Variants in TUSC3 observed in about 807,000 individuals in gnomAD.
TUSC3 encodes the protein tumor suppressor candidate 3, also known as dolichyl-diphosphooligosaccharide--protein glycosyltransferase subunit TUSC3.
In TUSC3, 45 loss-of-function variants were observed where a neutral mutation model predicts 44.8. The ratio of observed to expected loss-of-function variants is 1.00; its 90% confidence interval spans 0.79 to 1.29. The LOEUF is 1.29. Ranked by LOEUF, TUSC3 falls within the 50% of genes most tolerant of loss-of-function variation. TUSC3 has a pLI of 0.00. For missense variants in TUSC3, 519 were observed against 437.9 expected (o/e 1.19, Z -1.65); for synonymous variants, 212 against 152.9 (o/e 1.39, Z -2.85).
chr8:15,618,334 T>C (rs1407032730), intron 1 of TUSC3, among the ~76,000 whole-genome samples: 3 of 152,224 alleles, frequency 2.0e-5, no homozygotes, highest in African/African-American at 7.2e-5. Flanking sequence ...GTAATAACAG[T>C]TAGCTTAAAA....
At chr8:15,671,924 C>T (rs1368645427) in intron 5 of TUSC3, among the ~76,000 whole-genome samples, 1 of 152,002 alleles carries the variant, frequency 6.6e-6, no homozygotes, top group African/African-American at 2.4e-5. Context: ...TTCATTCTTA[C>T]ATCTCTAGAG....
intron 2 of TUSC3, among the ~76,000 whole-genome samples, chr8:15,628,233 A>C (rs1277534946): frequency 6.6e-6 from 1 of 152,152 alleles, no homozygotes; most frequent in Non-Finnish European, 1.5e-5. Context: ...ACAATCTAGA[A>C]ATATTTTATT....
chr8:15,566,091 T>C (rs1802659534), intron 1 of TUSC3, among the ~76,000 whole-genome samples: 1 of 152,162 alleles, frequency 6.6e-6, no homozygotes, highest in Non-Finnish European at 1.5e-5. Context: ...ACAAAGCCAC[T>C]CAGCCCCTGA....
the TUSC3 span, among the ~76,000 whole-genome samples, chr8:15,795,107 ACAAGATTC>A: frequency 1.3e-5 from 2 of 152,138 alleles, no homozygotes; most frequent in Non-Finnish European, 2.9e-5. Flanking sequence ...GCTATTACCA[ACAAGATTC>A]CAAGCAGCAG....
the TUSC3 span, among the ~76,000 whole-genome samples, chr8:15,822,656 C>T: frequency 6.6e-6 from 1 of 151,964 alleles, no homozygotes; most frequent in Non-Finnish European, 1.5e-5. Flanking sequence ...TTAAGATGGC[C>T]TAGAAAAGAT....
At chr8:15,509,361 C>T (rs898011024) in intron 2 of TUSC3, among the ~76,000 whole-genome samples, 10 of 152,144 alleles carry the variant, frequency 6.6e-5, no homozygotes, top group Non-Finnish European at 1.0e-4. Context: ...GTAATCCGAA[C>T]GCTTTGGGAG....
At chr8:15,545,961 C>A (rs544875057) in intron 1 of TUSC3, among the ~76,000 whole-genome samples, 1 of 151,714 alleles carries the variant, frequency 6.6e-6, no homozygotes, top group Non-Finnish European at 1.5e-5. Context: ...TTGCTCATCT[C>A]CATAAGAATT....
At chr8:15,595,403 G>C in intron 1 of TUSC3, among the ~76,000 whole-genome samples, 1 of 152,086 alleles carries the variant, frequency 6.6e-6, no homozygotes, top group African/African-American at 2.4e-5. Flanking sequence ...TCAGGAGTCA[G>C]CTGGTCTCTG....
chr8:15,836,476 CAAA>C, the TUSC3 span, among the ~76,000 whole-genome samples: 35 of 132,746 alleles, frequency 2.6e-4, no homozygotes, highest in South Asian at 4.8e-4. Flanking sequence ...GACTCCATCT[CAAA>C]AAAAAAAAAA....
At chr8:15,837,027 T>C in the TUSC3 span, among the ~76,000 whole-genome samples, 2 of 152,194 alleles carry the variant, frequency 1.3e-5, no homozygotes, top group African/African-American at 4.8e-5. Context: ...TGATTTTTCA[T>C]TCTTTTATCA....
At chr8:15,514,472 A>T (rs1191190457) in intron 2 of TUSC3, among the ~76,000 whole-genome samples, 1 of 152,238 alleles carries the variant, frequency 6.6e-6, no homozygotes, top group South Asian at 2.1e-4. Flanking sequence ...AATTTGAAGT[A>T]TAAAAACCAA....
chr8:15,486,953 G>T (rs1450217714), intron 2 of TUSC3, among the ~76,000 whole-genome samples: 1 of 152,036 alleles, frequency 6.6e-6, no homozygotes, highest in Non-Finnish European at 1.5e-5. Context: ...TAATATAACC[G>T]TTAGTTGATT....
intron 6 of TUSC3, among the ~76,000 whole-genome samples, chr8:15,719,440 C>T (rs1466882182): frequency 1.3e-5 from 2 of 151,698 alleles, no homozygotes; most frequent in African/African-American, 4.8e-5. Context: ...GACTCCCTTA[C>T]TTTTTTCTGC....
chr8:15,566,724 A>C lies in TUSC3; in HGVS notation c.138+26156A>C, dbSNP rs369899270. ...AGCCACAACCAACCTCCTAGGCTCA[A>C]GCAATCCTCCCGCGTTAGTCTCCTA... On this transcript the variant is annotated intron_variant, in intron 1 of 10. Coordinates refer to ENST00000503731, the MANE Select transcript of TUSC3 (RefSeq NM_006765.4). Among the ~76,000 whole-genome samples the C allele has an allele frequency of 1.1e-4, 17 of 152,058 alleles. No individual in the cohort carries two copies. The East Asian group carries it at 3.3e-3, about 29-fold the overall frequency.
intron 1 of TUSC3, among the ~76,000 whole-genome samples, chr8:15,596,794 T>TA (rs1429301049): frequency 6.6e-6 from 1 of 152,180 alleles, no homozygotes; most frequent in Non-Finnish European, 1.5e-5. Flanking sequence ...AATATAGTGT[T>TA]ACTGATAACT....
chr8:15,562,398 T>G (rs1171600570), intron 1 of TUSC3, among the ~76,000 whole-genome samples: 1 of 152,158 alleles, frequency 6.6e-6, no homozygotes. Context: ...CTTTAAGCGT[T>G]AAGAAATAGG....
At chr8:15,499,086 A>T (rs536127844) in intron 2 of TUSC3, among the ~76,000 whole-genome samples, 1 of 151,360 alleles carries the variant, frequency 6.6e-6, no homozygotes, top group South Asian at 2.1e-4. Context: ...TTGCCATCAG[A>T]CTCCATCACC....
chr8:15,591,010 G>C (rs1160734438), intron 1 of TUSC3, among the ~76,000 whole-genome samples: 1 of 152,112 alleles, frequency 6.6e-6, no homozygotes, highest in African/African-American at 2.4e-5. Context: ...TAAAGAAGTA[G>C]GAGAAATCTT....
Position 15,695,945 on chromosome 8 carries a change from A to G in TUSC3, c.798+22109A>G, listed in dbSNP as rs567499316. Among the ~76,000 whole-genome samples the G allele has an allele frequency of 6.6e-5, 10 of 152,320 alleles. 1 individual carries two copies. The South Asian group carries it at 1.7e-3, about 25-fold the overall frequency. On this transcript the variant is annotated intron_variant, in intron 6 of 10. Transcript: ENST00000503731. ...GGTGCTGTTAAACGCATTCAGTTTT[A>G]TAAGGGAAGCAGAGCATAAAAGTTC...
Sources: allele counts gnomAD v4.1 joint callset (sites outside exome capture counted in the v4.1 genomes callset), GRCh38; gene constraint gnomAD v4.1.1; transcripts MANE v1.5; gene names NCBI Gene and HGNC (gene_info 2026-07-23, HGNC 2026-07-21).